Variants in STAP2 observed in about 807,000 individuals in gnomAD.
STAP2 encodes the protein signal-transducing adaptor protein 2.
Under a neutral mutation model 52.7 loss-of-function variants are expected in STAP2, and 58 were observed. That is an observed-to-expected ratio of 1.10 (90% CI 0.89 to 1.37). The LOEUF is 1.37. Among genes scored for constraint, STAP2 ranks in the 40% most tolerant of loss-of-function variants. The pLI is 0.00. For missense variants in STAP2, 522 were observed against 519.4 expected (o/e 1.00, Z -0.05); for synonymous variants, 231 against 210.5 (o/e 1.10, Z -0.84).
chr19:4,330,766 G>A (rs1449423865), intron 4 of STAP2, among the ~76,000 whole-genome samples: 1 of 143,902 alleles, frequency 6.9e-6, no homozygotes, highest in Non-Finnish European at 1.5e-5. Context: ...CCAAGCTGGA[G>A]TGCAGTGGCG....
intron 3 of STAP2, 112 bp from the exon 4 acceptor site, chr19:4,332,190 T>TTTA: frequency 1.7e-6 from 1 of 604,406 alleles, no homozygotes; most frequent in Non-Finnish European, 2.5e-6. Context: ...CTTTTTTCTT[T>TTTA]TTCTTCTTTT....
At chr19:4,325,343 T>C (rs1276791069) in intron 10 of STAP2, 35 bp from the exon 11 acceptor site, 17 of 1,614,178 alleles carry the variant, frequency 1.1e-5, no homozygotes, top group Non-Finnish European at 1.4e-5. Flanking sequence ...TCACATCAGC[T>C]GTTAACCTGT....
chr19:4,327,247 G>A (rs1018647505), intron 7 of STAP2, 21 bp from the exon 8 acceptor site: 3 of 1,613,888 alleles, frequency 1.9e-6, no homozygotes, highest in African/African-American at 1.3e-5. Context: ...ATGGGGGAGC[G>A]GTCAGGCTGC....
intron 6 of STAP2, chr19:4,328,105 C>G (rs559233104): frequency 1.8e-3 from 303 of 167,698 alleles, no homozygotes; most frequent in Middle Eastern, 6.1e-3. Context: ...GGAGTCCCAG[C>G]TCCTAACCCA....
At chr19:4,334,832 C>T (rs7408678) in intron 1 of STAP2, among the ~76,000 whole-genome samples, 11 of 86,536 alleles carry the variant, frequency 1.3e-4, no homozygotes, top group South Asian at 4.7e-4. Flanking sequence ...CATCCATCCA[C>T]CCACTCATCC....
chr19:4,333,628 G>A (rs73534895), intron 3 of STAP2, 66 bp downstream of exon 3: 110,562 of 1,540,094 alleles, frequency 0.072, 7,108 homozygotes, highest in African/African-American at 0.34. Context: ...GCACAATGGA[G>A]GGTAGGAGCA....
chr19:4,329,941 G>C lies in STAP2; in HGVS notation c.455+20C>G, dbSNP rs761639071. The C allele has an allele frequency of 1.4e-5, 22 of 1,601,208 alleles. No homozygotes were observed. The highest frequency in any genetic ancestry group is 1.7e-4 in the Middle Eastern group (1 of 6,028). On this transcript the variant is annotated intron_variant, in intron 5 of 12. Transcript: ENST00000594605. ...TCCCGTCCCCATCCTGCAGCCCCTCGGGACAGGCGGGACACTCACGAGGGT... is the reference window on the plus strand; with the variant it reads ...TCCCGTCCCCATCCTGCAGCCCCTCCGGACAGGCGGGACACTCACGAGGGT...
At chr19:4,338,451 C>A (rs1285262310) in intron 1 of STAP2, among the ~76,000 whole-genome samples, 2 of 152,152 alleles carry the variant, frequency 1.3e-5, no homozygotes, top group African/African-American at 2.4e-5. Context: ...AAAAAGAAAC[C>A]AAATTCAAAG....
At chr19:4,331,869 T>G (rs1971896427) in intron 4 of STAP2, among the ~76,000 whole-genome samples, 153 bp downstream of exon 4, 1 of 151,726 alleles carries the variant, frequency 6.6e-6, no homozygotes, top group Non-Finnish European at 1.5e-5. Context: ...GAGGCGGAGC[T>G]TGCAGTGAGC....
chr19:4,328,904 C>A, intron 5 of STAP2, 95 bp from the exon 6 acceptor site: 1 of 1,498,208 alleles, frequency 6.7e-7, no homozygotes, highest in Non-Finnish European at 8.9e-7. Context: ...GCCCCATCCC[C>A]ATCCCCTAGG....
Position 4,333,726 on chromosome 19 carries a change from G to A in STAP2, c.265C>T (p.Leu89=), listed in dbSNP as rs1971929458. 1 of 1,613,098 alleles carries A rather than the reference G, an allele frequency of 6.2e-7. No homozygotes were observed. The highest frequency in any genetic ancestry group is 2.2e-5 in the East Asian group (1 of 44,860). ...SSRDPGTHFS[L]ILRDQEIKFK... Reference sequence around the variant, plus strand: ...TTGATCTCCTGATCCCGGAGAATCAGGCTGAAGTGGGTGCCAGGGTCACGT... The same window carrying A: ...TTGATCTCCTGATCCCGGAGAATCAAGCTGAAGTGGGTGCCAGGGTCACGT... Residue 89 remains leucine, a synonymous_variant, in exon 3 of 13, where the codon CTG becomes TTG. Coordinates refer to ENST00000594605, the MANE Select transcript of STAP2 (RefSeq NM_001013841.2).
intron 5 of STAP2, among the ~76,000 whole-genome samples, chr19:4,329,644 C>A (rs930010893): frequency 6.6e-6 from 1 of 152,124 alleles, no homozygotes; most frequent in African/African-American, 2.4e-5. Context: ...AATAACTCCT[C>A]CCCGGAGACG....
intron 8 of STAP2, 45 bp downstream of exon 8, chr19:4,327,055 CCCGGTCCGTCCGAGCGGGGGCGGG>C (rs771942969): frequency 2.5e-6 from 4 of 1,601,526 alleles, no homozygotes; most frequent in Non-Finnish European, 2.6e-6. Flanking sequence ...CCAGGGGCGG[CCCGGTCCGTCCGAGCGGGGGCGGG>C]AGAGGTGAGC....
intron 1 of STAP2, among the ~76,000 whole-genome samples, chr19:4,334,907 ATCCATCCATCC>A (rs1159429054): frequency 6.5e-3 from 847 of 130,884 alleles, no homozygotes; most frequent in Middle Eastern, 0.027. Flanking sequence ...CCATCCACCC[ATCCATCCATCC>A]CTCCATAATC....
At chr19:4,333,184 CAAA>C (rs1050122651) in intron 3 of STAP2, among the ~76,000 whole-genome samples, 3 of 144,726 alleles carry the variant, frequency 2.1e-5, no homozygotes, top group African/African-American at 7.7e-5. Flanking sequence ...GAGCGAAACT[CAAA>C]AAATAAAAAT....
At position 4,332,027 on chromosome 19, in the gene STAP2, C is replaced by A; in HGVS notation, c.349G>T (p.Val117Leu). 4 of 1,613,140 alleles carry A rather than the reference C, an allele frequency of 2.5e-6. No individual in the cohort carries two copies. Among genetic ancestry groups the A allele is most frequent in the Non-Finnish European group, 3.4e-6 (4 of 1,179,686 alleles). ...CAGAGAGCCACTACTCTTACCTCCA[C>A]CACCGTTAAGATGAAGCCTTTCCAC... ...EMWKGFILTV[V>L]ELRVPTDLTL... The change falls in exon 4 of 13, where the codon GTG (valine) becomes TTG (leucine). Residue 117 changes from valine to leucine, a missense_variant. Physicochemically the swap from Val to Leu is conservative, Grantham distance 32. Transcript: ENST00000594605.
intron 11 of STAP2, 48 bp from the exon 12 acceptor site, chr19:4,324,577 A>G (rs531755205): frequency 6.5e-7 from 1 of 1,548,058 alleles, no homozygotes; most frequent in African/African-American, 1.4e-5. Context: ...CACGCCGGTA[A>G]TCCCAGCACT....
intron 1 of STAP2, 95 bp from the exon 2 acceptor site, chr19:4,334,139 G>A (rs2144792371): frequency 9.7e-7 from 1 of 1,034,216 alleles, no homozygotes; most frequent in Non-Finnish European, 1.4e-6. Context: ...CACTGGTTGT[G>A]CTCTCTGCCC....
intron 5 of STAP2, among the ~76,000 whole-genome samples, chr19:4,329,410 C>T (rs1453039428): frequency 6.6e-6 from 1 of 151,992 alleles, no homozygotes; most frequent in African/African-American, 2.4e-5. Flanking sequence ...CAGCCAGGCT[C>T]TTAATTCTGG....
Sources: gnomAD v4.1 joint callset for allele counts (sites outside exome capture counted in the v4.1 genomes callset) on GRCh38, gnomAD v4.1.1 for gene constraint, MANE v1.5 for transcripts, NCBI Gene and HGNC (gene_info 2026-07-23, HGNC 2026-07-21) for gene names.